KCNJ16: variants seen among roughly 807,000 people sequenced by gnomAD.
KCNJ16 encodes inward rectifier potassium channel 16.
KCNJ16 carries 15 observed loss-of-function variants against 18.5 expected under a neutral mutation model. That is an observed-to-expected ratio of 0.81 (90% confidence interval 0.54 to 1.25). The LOEUF is 1.25. Ranked by LOEUF, KCNJ16 falls within the 50% of genes most tolerant of loss-of-function variation. KCNJ16 has a pLI of 0.00. For missense variants in KCNJ16, 523 were observed against 525.7 expected (o/e 0.99, Z 0.05); for synonymous variants, 174 against 186.5 (o/e 0.93, Z 0.55).
At chr17:70,103,296 G>GTGTGTGTGTGTGTGTGTGTA (rs1408960241) in intron 2 of KCNJ16, among the ~76,000 whole-genome samples, 30 of 72,052 alleles carry the variant, frequency 4.2e-4, no homozygotes, top group Non-Finnish European at 5.2e-4. Flanking sequence ...ATGTGTGTGT[G>GTGTGTGTGTGTGTGTGTGTA]TATATATATA....
At chr17:70,087,777 ATGT>A (rs200060131) in intron 1 of KCNJ16, among the ~76,000 whole-genome samples, 2 of 151,658 alleles carry the variant, frequency 1.3e-5, no homozygotes, top group African/African-American at 4.8e-5. Flanking sequence ...GCTACCACAA[ATGT>A]TGTTTGTTAT....
intron 2 of KCNJ16, among the ~76,000 whole-genome samples, chr17:70,121,017 G>C (rs2073615957): frequency 6.6e-6 from 1 of 152,116 alleles, no homozygotes; most frequent in Admixed American, 6.5e-5. Flanking sequence ...TGATTTGGGG[G>C]AAAGATGATG....
At chr17:70,109,883 G>A (rs1238919755) in intron 2 of KCNJ16, among the ~76,000 whole-genome samples, 1 of 152,156 alleles carries the variant, frequency 6.6e-6, no homozygotes, top group East Asian at 1.9e-4. Context: ...CAATCTGCTA[G>A]CATGGAGCTG....
Position 70,132,768 on chromosome 17 carries a change from T to G in KCNJ16, c.681T>G (p.Ser227Arg). The G allele has an allele frequency of 6.2e-7, 1 of 1,613,916 alleles. No individual in the cohort carries two copies. Among genetic ancestry groups the G allele is most frequent in the East Asian group, 2.2e-5 (1 of 44,866 alleles). The change falls in exon 4 of 4, where the codon AGT becomes AGG. Residue 227 changes from serine (S) to arginine (R), a missense_variant. Ser to Arg is a moderately radical substitution (Grantham distance 110). Transcript: ENST00000392671. ...RAQLLRYTED[S>R]EGRMTMAFKD... ...AACTTCTCCGCTATACAGAAGACAG[T>G]GAAGGGAGGATGACGATGGCATTTA...
chr17:70,134,561 C>CTA lies in KCNJ16; in HGVS notation c.*1218_*1219dup, dbSNP rs1472800031. ...AGAACATGAGATAAAGTTGTATACT[C>CTA]TACTTTCATGTTAAAATGTTAATCA... is the stretch of plus-strand genomic sequence containing the variant. On this transcript the variant is annotated 3_prime_UTR_variant, in exon 4 of 4. Transcript: ENST00000392671. The CTA allele has an allele frequency of 6.0e-6, 1 of 166,980 alleles. No homozygotes were observed. The highest frequency in any genetic ancestry group is 1.5e-5 in the Non-Finnish European group (1 of 68,098). 10.3% of individuals were successfully genotyped at this position (166,980 alleles called of 1,614,324 possible). A position where few individuals can be genotyped will look rare whatever the true frequency, so the allele number is the denominator to read the frequency against.
intron 2 of KCNJ16, among the ~76,000 whole-genome samples, chr17:70,112,437 C>G (rs1406684106): frequency 2.0e-5 from 3 of 150,670 alleles, no homozygotes; most frequent in African/African-American, 7.3e-5. Flanking sequence ...AGTTCAAATG[C>G]CAATGATGTT....
At chr17:70,113,559 G>A (rs1281906172) in intron 2 of KCNJ16, among the ~76,000 whole-genome samples, 2 of 152,106 alleles carry the variant, frequency 1.3e-5, no homozygotes, top group African/African-American at 2.4e-5. Flanking sequence ...TTCCCGTGAA[G>A]GTTTAAACAC....
At chr17:70,127,563 T>C (rs1466851960) in intron 2 of KCNJ16, among the ~76,000 whole-genome samples, 1 of 152,050 alleles carries the variant, frequency 6.6e-6, no homozygotes, top group African/African-American at 2.4e-5. Context: ...CCCACCCATA[T>C]GTACCAACCA....
At chr17:70,120,654 G>GA (rs2073597909) in intron 2 of KCNJ16, among the ~76,000 whole-genome samples, 1 of 152,084 alleles carries the variant, frequency 6.6e-6, no homozygotes, top group Non-Finnish European at 1.5e-5. Context: ...TGTCTGGGGG[G>GA]AAAGAGAGAT....
chr17:70,083,092 T>C (rs1018651822), intron 1 of KCNJ16, among the ~76,000 whole-genome samples: 4 of 151,634 alleles, frequency 2.6e-5, no homozygotes, highest in Non-Finnish European at 4.4e-5. Flanking sequence ...TCTTGCTCTA[T>C]TGTCCAGGCT....
chr17:70,099,720 T>C (rs770276277), intron 1 of KCNJ16, among the ~76,000 whole-genome samples: 3 of 152,080 alleles, frequency 2.0e-5, no homozygotes, highest in Non-Finnish European at 4.4e-5. Flanking sequence ...GTGCTATGTG[T>C]GTTTGGGAGT....
In KCNJ16 at chr17:70,135,007, CTTTTTTTT is replaced by C. The variant is rs34903097; in HGVS notation, c.*1672_*1679del. 1.5e-5 allele frequency: 2 copies of C among 136,724 alleles called. No individual in the cohort carries two copies. Among genetic ancestry groups the C allele is most frequent in the African/African-American group, 5.7e-5 (2 of 35,224 alleles). 8.5% of individuals were successfully genotyped at this position (136,724 alleles called of 1,614,324 possible). ...ATCCTTCCCTTTCTCCTTCTTTTCC[CTTTTTTTT>C]TTTTTTTTGACCTGGGAGTAATAAA... is the stretch of plus-strand genomic sequence containing the variant. On this transcript the variant is annotated 3_prime_UTR_variant, in exon 4 of 4. Coordinates refer to ENST00000392671, the MANE Select transcript of KCNJ16 (RefSeq NM_170741.4).
intron 2 of KCNJ16, among the ~76,000 whole-genome samples, chr17:70,120,393 T>C (rs894211096): frequency 2.6e-5 from 4 of 152,188 alleles, no homozygotes; most frequent in African/African-American, 7.2e-5. Context: ...CGTGTCTTTG[T>C]AGCAATGCCC....
intron 2 of KCNJ16, among the ~76,000 whole-genome samples, chr17:70,111,361 G>C (rs577439194): frequency 1.9e-4 from 29 of 152,100 alleles, no homozygotes; most frequent in Non-Finnish European, 3.5e-4. Flanking sequence ...GATGGAGCTG[G>C]GCTAAGGGGA....
intron 1 of KCNJ16, among the ~76,000 whole-genome samples, chr17:70,099,568 T>A (rs547373919): frequency 1.5e-4 from 23 of 151,924 alleles, no homozygotes; most frequent in African/African-American, 5.6e-4. Context: ...CGGACAGCCA[T>A]CTTGAGGGGT....
chr17:70,092,424 T>A (rs2072129978), intron 1 of KCNJ16, among the ~76,000 whole-genome samples: 1 of 151,906 alleles, frequency 6.6e-6, no homozygotes, highest in East Asian at 1.9e-4. Flanking sequence ...GGTTTTACAG[T>A]TCGAAATAAC....
intron 1 of KCNJ16, among the ~76,000 whole-genome samples, chr17:70,099,601 A>T (rs2072534873): frequency 6.6e-6 from 1 of 152,096 alleles, no homozygotes; most frequent in South Asian, 2.1e-4. Context: ...CTGGGGCAAT[A>T]AATGCTTGGG....
At chr17:70,111,298 A>G (rs559094335) in intron 2 of KCNJ16, among the ~76,000 whole-genome samples, 1 of 152,124 alleles carries the variant, frequency 6.6e-6, no homozygotes, top group Non-Finnish European at 1.5e-5. Context: ...GCTTTTCAAG[A>G]TGGCTATTAG....
chr17:70,121,544 A>T (rs2048370916), intron 2 of KCNJ16, among the ~76,000 whole-genome samples: 1 of 152,226 alleles, frequency 6.6e-6, no homozygotes, highest in African/African-American at 2.4e-5. Flanking sequence ...TAGATGTATC[A>T]ATCTGCTTAC....
Sources: gnomAD v4.1 joint callset for allele counts (sites outside exome capture counted in the v4.1 genomes callset) on GRCh38, gnomAD v4.1.1 for gene constraint, MANE v1.5 for transcripts, NCBI Gene and HGNC (gene_info 2026-07-23, HGNC 2026-07-21) for gene names.